Variants in EMP2 observed in about 807,000 individuals in gnomAD.
The protein encoded by EMP2 is epithelial membrane protein 2.
EMP2 carries 19 observed loss-of-function variants against 13.7 expected under a neutral mutation model. That is an observed-to-expected ratio of 1.38 (90% confidence interval 0.97 to 2.03). EMP2 has a LOEUF of 2.03. EMP2 is among the 30% of genes most tolerant of loss of function. The pLI, the probability that EMP2 is intolerant of heterozygous loss-of-function variation, is 0.00. For synonymous variants in EMP2, 97 were observed against 84.7 expected (o/e 1.15, Z -0.80); for missense variants, 253 against 220.7 (o/e 1.15, Z -0.93).
At position 10,532,170 on chromosome 16, in the gene EMP2, C is replaced by T. The variant is rs2050608616; in HGVS notation, c.*735G>A. Reference sequence around the variant, plus strand: ...AAATGCAGATTCCCTGGCCCCATCCCTTGAAGACTCTGATTCTGTAGGTCT... The same window carrying T: ...AAATGCAGATTCCCTGGCCCCATCCTTTGAAGACTCTGATTCTGTAGGTCT... On this transcript the variant is annotated 3_prime_UTR_variant, in exon 5 of 5. Transcript: ENST00000359543. The T allele has an allele frequency of 6.6e-6, 1 of 152,600 alleles. No homozygotes were observed. The highest frequency in any genetic ancestry group is 2.5e-5 in the African/African-American group (1 of 40,550). The allele number at this position is 152,600 out of a possible 1,614,324, so 9.5% of individuals were successfully genotyped here.
chr16:10,547,749 C>A, intron 1 of EMP2, 72 bp from the exon 2 acceptor site: 4 of 887,234 alleles, frequency 4.5e-6, no homozygotes, highest in East Asian at 2.7e-5. Context: ...AAATAAACAC[C>A]TTTTAGCTGG....
In EMP2 at chr16:10,532,919, T is replaced by C. The variant is rs777484169; in HGVS notation, c.490A>G (p.Arg164Gly). The C allele has an allele frequency of 1.3e-6, 2 of 1,555,130 alleles. No homozygotes were observed. Among genetic ancestry groups the C allele is most frequent in the Non-Finnish European group, 1.7e-6 (2 of 1,147,048 alleles). Reference protein sequence around the residue: ...FISGMMYLILRKRK With the variant: ...FISGMMYLILGKRK ...GCTCCGGAACTCTATTTGCGCTTCCTCAGTATCAGGTACATCATGCCGCTG... is the reference window on the plus strand; with the variant it reads ...GCTCCGGAACTCTATTTGCGCTTCCCCAGTATCAGGTACATCATGCCGCTG... Residue 164 changes from arginine (R) to glycine (G), a missense_variant, in exon 5 of 5, where the codon AGG (arginine) becomes GGG (glycine). Coordinates refer to ENST00000359543, the MANE Select transcript of EMP2 (RefSeq NM_001424.6).
Position 10,571,235 on chromosome 16 carries a change from G to C in EMP2, c.-61+9314C>G, listed in dbSNP as rs572619057. 9.3e-5 allele frequency among the ~76,000 whole-genome samples: 11 copies of C among 118,732 alleles called. No individual in the cohort carries two copies. The East Asian group carries it at 1.1e-3, about 12-fold the overall frequency. 77.9% of individuals were successfully genotyped at this position (118,732 alleles called of 152,430 possible). On this transcript the variant is annotated intron_variant, in intron 1 of 4. Transcript: ENST00000359543. ...TCGCGCCACTGCACTCCAGCCTGGT[G>C]ACAGAGCAAGACTCCGTCTCAAAAA...
rs767064978 is a variant in EMP2 at position 10,528,790 on chromosome 16, C to T, written c.*4115G>A. 20 of 152,162 alleles carry T rather than the reference C, an allele frequency of 1.3e-4. No individual in the cohort carries two copies. Among genetic ancestry groups the T allele is most frequent in the Non-Finnish European group, 2.2e-4 (15 of 68,042 alleles). The allele number at this position is 152,162 out of a possible 1,614,324, so 9.4% of individuals were successfully genotyped here. A position where few individuals can be genotyped will look rare whatever the true frequency, so the allele number is the denominator to read the frequency against. ...TTGTAAGTAACCTTTAAACTATTAG[C>T]GAGTTTAGTAACATCCCGCGAGGCA... is the stretch of plus-strand genomic sequence containing the variant. On this transcript the variant is annotated 3_prime_UTR_variant, in exon 5 of 5. Coordinates refer to ENST00000359543, the MANE Select transcript of EMP2 (RefSeq NM_001424.6).
rs551820255 is a variant in EMP2 at position 10,543,410 on chromosome 16, T to A, written c.169+160A>T. Among the ~76,000 whole-genome samples, 5 of 152,382 alleles carry A rather than the reference T, an allele frequency of 3.3e-5. No individual in the cohort carries two copies. In the East Asian group the frequency reaches 9.6e-4, roughly 29 times the overall value. On this transcript the variant is annotated intron_variant, in intron 3 of 4. Transcript: ENST00000359543. ...CACCCCTGGCATCTCCAGCTTGTGC[T>A]GTCCTCCGCTCCAGCACACACTGAG...
chr16:10,558,870 T>C (rs974876965), intron 1 of EMP2: 1 of 152,232 alleles, frequency 6.6e-6, no homozygotes, highest in Non-Finnish European at 1.5e-5. Flanking sequence ...CCCAACTCCA[T>C]TCCCGCCCTC....
At chr16:10,543,816 A>G (rs1043203446) in intron 2 of EMP2, among the ~76,000 whole-genome samples, 156 bp from the exon 3 acceptor site, 2 of 152,204 alleles carry the variant, frequency 1.3e-5, no homozygotes, top group Admixed American at 1.3e-4. Flanking sequence ...AGACTGACTC[A>G]GGAGGTCTGG....
At chr16:10,550,028 G>A (rs1455421114) in intron 1 of EMP2, among the ~76,000 whole-genome samples, 1 of 151,554 alleles carries the variant, frequency 6.6e-6, no homozygotes, top group East Asian at 1.9e-4. Flanking sequence ...TGGGACTACA[G>A]GCACGTGTCA....
rs1596371297 is a variant in EMP2, at chr16:10,543,230, G to C, written c.169+340C>G. Reference sequence around the variant, plus strand: ...CTGAGCCCATTTAGAGGCAAGGCTTGGATAAAAAAAGAAGGGAAGAGAAAA... The same window carrying C: ...CTGAGCCCATTTAGAGGCAAGGCTTCGATAAAAAAAGAAGGGAAGAGAAAA... On this transcript the variant is annotated intron_variant, in intron 3 of 4. Coordinates refer to ENST00000359543, the MANE Select transcript of EMP2 (RefSeq NM_001424.6). Among the ~76,000 whole-genome samples, 8 of 152,266 alleles carry C rather than the reference G, an allele frequency of 5.3e-5. 1 individual carries two copies. Among genetic ancestry groups the C allele is most frequent in the Non-Finnish European group, 1.5e-5 (1 of 68,008 alleles).
At chr16:10,571,081 A>T (rs62029485) in intron 1 of EMP2, among the ~76,000 whole-genome samples, 45,736 of 150,788 alleles carry the variant, frequency 0.3, 7,888 homozygotes, top group Non-Finnish European at 0.4. Flanking sequence ...ACACGGTGAA[A>T]CCCTGCCTCT....
intron 1 of EMP2, among the ~76,000 whole-genome samples, chr16:10,554,232 A>C (rs2050810725): frequency 6.6e-6 from 1 of 152,096 alleles, no homozygotes; most frequent in Non-Finnish European, 1.5e-5. Flanking sequence ...GGGTTTCACT[A>C]TGTTGGCCAG....
chr16:10,542,371 C>T (rs1026215051), intron 3 of EMP2, among the ~76,000 whole-genome samples: 4 of 152,110 alleles, frequency 2.6e-5, no homozygotes, highest in Admixed American at 2.6e-4. Context: ...GCACTCCAGC[C>T]TGGGTGACAG....
Position 10,535,153 on chromosome 16 carries a change from G to T in EMP2, c.317-2061C>A, listed in dbSNP as rs185707687. Among the ~76,000 whole-genome samples the T allele has an allele frequency of 1.5e-3, 229 of 152,236 alleles. 1 individual carries two copies. The highest frequency in any genetic ancestry group is 3.8e-4 in the Non-Finnish European group (26 of 68,030). ...ATCTCTCACATGAGTTAGAGTATCT[G>T]CTGCTTGCGTCTAAAGATCCCTGCC... On this transcript the variant is annotated intron_variant, in intron 4 of 4. Transcript: ENST00000359543.
chr16:10,542,228 T>A (rs1260767502), intron 3 of EMP2, among the ~76,000 whole-genome samples: 1 of 152,048 alleles, frequency 6.6e-6, no homozygotes, highest in Non-Finnish European at 1.5e-5. Context: ...TGAAACTCCA[T>A]CTCTACAAAA....
In EMP2 at chr16:10,532,758, CTTTTTTTTTTTTTT is replaced by C. The variant is rs878927571; in HGVS notation, c.*133_*146del. 2 of 184,884 alleles carry C rather than the reference CTTTTTTTTTTTTTT, an allele frequency of 1.1e-5. No homozygotes were observed. The highest frequency in any genetic ancestry group is 8.2e-6 in the Non-Finnish European group (1 of 121,710). The allele number at this position is 184,884 out of a possible 1,614,324, so 11.5% of individuals were successfully genotyped here. A position where few individuals can be genotyped will look rare whatever the true frequency, so the allele number is the denominator to read the frequency against. Reference sequence around the variant, plus strand: ...CTTTTGGATTTTTTTTTTCTTTTTTCTTTTTTTTTTTTTTTTTTTTTTTTTTTTGGCTTTTAAAG... The same window carrying C: ...CTTTTGGATTTTTTTTTTCTTTTTTCTTTTTTTTTTTTTTGGCTTTTAAAG... On this transcript the variant is annotated 3_prime_UTR_variant, in exon 5 of 5. Transcript: ENST00000359543.
Position 10,531,707 on chromosome 16 carries a change from C to G in EMP2, c.*1198G>C, listed in dbSNP as rs540372726. The G allele has an allele frequency of 6.5e-6, 1 of 152,880 alleles. No individual in the cohort carries two copies. The highest frequency in any genetic ancestry group is 2.4e-5 in the African/African-American group (1 of 41,430). The allele number at this position is 152,880 out of a possible 1,614,324, so 9.5% of individuals were successfully genotyped here. On this transcript the variant is annotated 3_prime_UTR_variant, in exon 5 of 5. Coordinates refer to ENST00000359543, the MANE Select transcript of EMP2 (RefSeq NM_001424.6). The stretch of plus-strand genomic sequence containing the variant: ...GGAGGAGATTGTCTCTAGAGGGTAT[C>G]CCCTGTGCCTGGCACATGCATGCAA...
chr16:10,563,533 T>C (rs1045909777), intron 1 of EMP2, among the ~76,000 whole-genome samples: 2 of 152,210 alleles, frequency 1.3e-5, no homozygotes, highest in Non-Finnish European at 2.9e-5. Context: ...ATCATTTTTA[T>C]AGATGGATCT....
At position 10,578,978 on chromosome 16, in the gene EMP2, C is replaced by T. The variant is rs371568443; in HGVS notation, c.-61+1571G>A. Among the ~76,000 whole-genome samples the T allele has an allele frequency of 3.0e-4, 45 of 152,350 alleles. No homozygotes were observed. The East Asian group carries it at 5.8e-3, about 20-fold the overall frequency. On this transcript the variant is annotated intron_variant, in intron 1 of 4. Coordinates refer to ENST00000359543, the MANE Select transcript of EMP2 (RefSeq NM_001424.6). The stretch of plus-strand genomic sequence containing the variant: ...TCTCCAGGTGGAAAGAAGGGGAGGG[C>T]TTGGGAGGCAGATGGAGGTTCAAGG...
intron 1 of EMP2, among the ~76,000 whole-genome samples, chr16:10,566,003 C>T (rs537780187): frequency 7.2e-5 from 11 of 152,296 alleles, no homozygotes; most frequent in South Asian, 2.1e-4. Context: ...AGCTGAAAGG[C>T]GCTGGTGTGA....
Sources: allele counts gnomAD v4.1 joint callset (sites outside exome capture counted in the v4.1 genomes callset), GRCh38; gene constraint gnomAD v4.1.1; transcripts MANE v1.5; gene names NCBI Gene and HGNC (gene_info 2026-07-23, HGNC 2026-07-21).